Variants in TGS1 observed in about 807,000 individuals in gnomAD.
TGS1 encodes trimethylguanosine synthase.
In TGS1, 69 loss-of-function variants were observed where a neutral mutation model predicts 92.2. The ratio of observed to expected loss-of-function variants is 0.75; its 90% CI spans 0.62 to 0.91. The LOEUF (loss-of-function observed/expected upper bound fraction) is 0.91, where lower values mean the gene tolerates loss of function less well. Ranked by LOEUF, TGS1 falls within the 40% of genes least tolerant of loss-of-function variation. The pLI is 0.00. For synonymous variants in TGS1, 345 were observed against 338.1 expected (o/e 1.02, Z -0.22); for missense variants, 1,062 against 1,001.2 (o/e 1.06, Z -0.82).
chr8:55,781,200 ACT>A, intron 1 of TGS1, among the ~76,000 whole-genome samples: 1 of 152,236 alleles, frequency 6.6e-6, no homozygotes, highest in African/African-American at 2.4e-5. Context: ...ACTTTTAAAA[ACT>A]ATTTTTATGT....
At chr8:55,785,420 C>A (rs1451578982) in intron 2 of TGS1, among the ~76,000 whole-genome samples, 3 of 151,862 alleles carry the variant, frequency 2.0e-5, no homozygotes, top group Admixed American at 6.6e-5. Context: ...ACTTTGCAGG[C>A]CAGGCAAGGT....
rs1585759643 is a variant in TGS1 at position 55,785,841 on chromosome 8, A to G, written c.289A>G (p.Met97Val). Residue 97 changes from methionine to valine, a missense_variant, in exon 3 of 13, where the codon ATG becomes GTG. Met to Val is a conservative substitution (Grantham distance 21). Transcript: ENST00000260129. ...TTCTGAGGCTGAACTCATGAGAAGT[A>G]TGGGATTGCCACTTCAATTTGGTAG... Reference protein sequence around the residue: ...LDSEAELMRSMGLPLQFGRIT... With the variant: ...LDSEAELMRSVGLPLQFGRIT... 1 of 1,613,882 alleles carries G rather than the reference A, an allele frequency of 6.2e-7. No individual in the cohort carries two copies. Among genetic ancestry groups the G allele is most frequent in the Admixed American group, 1.7e-5 (1 of 59,960 alleles).
chr8:55,785,757 T>C lies in TGS1; in HGVS notation c.205T>C (p.Cys69Arg). The C allele has an allele frequency of 1.2e-6, 2 of 1,612,958 alleles. No individual in the cohort carries two copies. The highest frequency in any genetic ancestry group is 1.7e-5 in the Admixed American group (1 of 59,802). ...ATEEEEGGYS[C>R]GTAESHDSKG... The stretch of plus-strand genomic sequence containing the variant: ...AGAAGAAGAGGAAGGTGGTTATTCC[T>C]GTGGTACTGCAGAATCACATGACAG... The change falls in exon 3 of 13, where the codon TGT becomes CGT. Residue 69 changes from cysteine (C) to arginine (R), a missense_variant. By Grantham distance (180) the Cys-to-Arg change is radical (BLOSUM62 -3). Transcript: ENST00000260129.
At chr8:55,810,315 CATAAT>C (rs1803303925) in intron 10 of TGS1, among the ~76,000 whole-genome samples, 1 of 152,196 alleles carries the variant, frequency 6.6e-6, no homozygotes, top group Admixed American at 6.5e-5. Flanking sequence ...TTGGTGAAAA[CATAAT>C]ATCTGTTTCC....
chr8:55,800,879 A>G (rs1812196175), intron 8 of TGS1, among the ~76,000 whole-genome samples: 1 of 152,192 alleles, frequency 6.6e-6, no homozygotes, highest in Non-Finnish European at 1.5e-5. Flanking sequence ...TTTGTTAGCC[A>G]TCACCTCTTG....
intron 6 of TGS1, among the ~76,000 whole-genome samples, chr8:55,793,156 G>A (rs988443241): frequency 7.9e-5 from 12 of 152,184 alleles, no homozygotes; most frequent in Non-Finnish European, 1.6e-4. Flanking sequence ...GCCATGAAAC[G>A]TTGAAATCTG....
At chr8:55,791,467 C>T (rs1056287363) in intron 5 of TGS1, among the ~76,000 whole-genome samples, 2 of 152,232 alleles carry the variant, frequency 1.3e-5, no homozygotes, top group Non-Finnish European at 2.9e-5. Context: ...CCAGAAGTGG[C>T]AGTGGTTGTG....
intron 12 of TGS1, among the ~76,000 whole-genome samples, chr8:55,822,076 C>T (rs10088064): frequency 5.5e-5 from 8 of 144,584 alleles, no homozygotes; most frequent in Admixed American, 1.4e-4. Flanking sequence ...TTCTTTCTTT[C>T]TTTTTTTTTT....
intron 7 of TGS1, among the ~76,000 whole-genome samples, chr8:55,798,705 A>C (rs1279257572): frequency 6.6e-6 from 1 of 152,098 alleles, no homozygotes; most frequent in Non-Finnish European, 1.5e-5. Flanking sequence ...TTTCCTTTTA[A>C]AGAAAACTTT....
intron 4 of TGS1, among the ~76,000 whole-genome samples, chr8:55,787,591 C>T (rs2130135811): frequency 6.6e-6 from 1 of 152,262 alleles, no homozygotes; most frequent in East Asian, 1.9e-4. Flanking sequence ...TCCTGAATAA[C>T]TGATCCAAAA....
chr8:55,802,892 T>G (rs1222485466), intron 9 of TGS1, among the ~76,000 whole-genome samples: 1 of 152,248 alleles, frequency 6.6e-6, no homozygotes, highest in Admixed American at 6.5e-5. Flanking sequence ...AACTTAACAT[T>G]GTTCCAATAT....
At chr8:55,796,956 A>C (rs1812072338) in intron 7 of TGS1, among the ~76,000 whole-genome samples, 1 of 151,908 alleles carries the variant, frequency 6.6e-6, no homozygotes. Flanking sequence ...GTGCCATTGC[A>C]CTCTAGGCTG....
chr8:55,797,561 T>C (rs1262158974), intron 7 of TGS1, among the ~76,000 whole-genome samples: 3 of 152,220 alleles, frequency 2.0e-5, no homozygotes, highest in Non-Finnish European at 4.4e-5. Context: ...CCTGATAGCA[T>C]GAAACACAGG....
intron 12 of TGS1, among the ~76,000 whole-genome samples, chr8:55,816,883 CAG>C (rs1251929654): frequency 3.4e-5 from 5 of 147,736 alleles, no homozygotes; most frequent in Admixed American, 2.7e-4. Context: ...TTTTTTGAGA[CAG>C]AGTCTTGCTC....
chr8:55,811,159 G>GC, intron 11 of TGS1, 62 bp downstream of exon 11: 1 of 541,120 alleles, frequency 1.8e-6, no homozygotes, highest in South Asian at 1.7e-5. Context: ...AGGAGCATGA[G>GC]AGTGAGAGAG....
chr8:55,813,758 A>T (rs1803398657), intron 12 of TGS1, among the ~76,000 whole-genome samples: 1 of 152,028 alleles, frequency 6.6e-6, no homozygotes, highest in African/African-American at 2.4e-5. Flanking sequence ...ATTATAAGAG[A>T]ATGTTAGTCT....
intron 7 of TGS1, among the ~76,000 whole-genome samples, chr8:55,796,531 A>C (rs1367456139): frequency 1.3e-5 from 2 of 151,934 alleles, no homozygotes; most frequent in African/African-American, 2.4e-5. Flanking sequence ...TCTACTAAAA[A>C]TACAAAATTA....
rs1239665003 is a variant in TGS1, at chr8:55,819,463, A to AT, written c.2440-5104dup. Among the ~76,000 whole-genome samples, 1,070 of 141,900 alleles carry AT rather than the reference A, an allele frequency of 7.5e-3. 6 individuals carry two copies. The highest frequency in any genetic ancestry group is 0.022 in the African/African-American group (858 of 38,754). 93.1% of individuals were successfully genotyped at this position (141,900 alleles called of 152,430 possible). A position where few individuals can be genotyped will look rare whatever the true frequency, so the allele number is the denominator to read the frequency against. Reference sequence around the variant, plus strand: ...AGGCATATGCCACTATGCCCGGCTAATTTTTTTTTTTTTTAGTAGAGACGG... The same window carrying AT: ...AGGCATATGCCACTATGCCCGGCTAATTTTTTTTTTTTTTTAGTAGAGACGG... On this transcript the variant is annotated intron_variant, in intron 12 of 12. Coordinates refer to ENST00000260129, the MANE Select transcript of TGS1 (RefSeq NM_024831.8).
chr8:55,776,863 G>T (rs1178174069), intron 1 of TGS1, among the ~76,000 whole-genome samples: 1 of 152,050 alleles, frequency 6.6e-6, no homozygotes, highest in Non-Finnish European at 1.5e-5. Flanking sequence ...TTTTGATTAG[G>T]CCTTGTCATT....
Sources: gnomAD v4.1 joint callset for allele counts (sites outside exome capture counted in the v4.1 genomes callset) on GRCh38, gnomAD v4.1.1 for gene constraint, MANE v1.5 for transcripts, NCBI Gene and HGNC (gene_info 2026-07-23, HGNC 2026-07-21) for gene names.